Variants in TPTE observed in about 807,000 individuals in gnomAD.
TPTE encodes putative tyrosine-protein phosphatase TPTE.
In TPTE, 59 loss-of-function variants were observed where a neutral mutation model predicts 84.1. The observed-to-expected ratio is 0.70, with a 90% CI of 0.57 to 0.87. The LOEUF (loss-of-function observed/expected upper bound fraction) is 0.87. Among genes scored for constraint, TPTE ranks in the 40% least tolerant of loss-of-function variants. The pLI is 0.00. For synonymous variants in TPTE, 130 were observed against 223.5 expected, an observed-to-expected ratio of 0.58 and a Z score of 3.73; for missense variants, 382 against 659.6, an observed-to-expected ratio of 0.58 and a Z score of 4.61.
At chr21:10,587,762 C>T (rs1229320882) in intron 17 of TPTE, among the ~76,000 whole-genome samples, 1 of 152,310 alleles carries the variant, frequency 6.6e-6, no homozygotes, top group Non-Finnish European at 1.5e-5. Context: ...GTTGGCCAGG[C>T]TGCTCTCGAA....
At chr21:10,601,487 A>T (rs1211576339) in intron 21 of TPTE, among the ~76,000 whole-genome samples, 1 of 151,804 alleles carries the variant, frequency 6.6e-6, no homozygotes, top group Admixed American at 6.6e-5. Context: ...ACAGAGTGAG[A>T]CTCTGTCTCA....
intron 8 of TPTE, among the ~76,000 whole-genome samples, chr21:10,553,937 T>C (rs1363684487): frequency 6.6e-6 from 1 of 152,308 alleles, no homozygotes; most frequent in Non-Finnish European, 1.5e-5. Flanking sequence ...GTAAATAGGT[T>C]TTATTCTAAA....
In TPTE at chr21:10,567,720, T is replaced by C. The variant is rs372056580; in HGVS notation, c.497T>C (p.Ile166Thr). ...DLFNILDTAIIVILLLVDVVY... is the reference protein window; with the variant it reads ...DLFNILDTAITVILLLVDVVY... The stretch of plus-strand genomic sequence containing the variant: ...TTTAACATTTTAGATACTGCCATTA[T>C]TGTGATTCTTCTGCTGGTTGATGTC... Residue 166 changes from isoleucine (I) to threonine (T), a missense_variant, in exon 11 of 24, where the codon ATT becomes ACT. By Grantham distance (89) the Ile-to-Thr change is moderately conservative. Coordinates refer to ENST00000618007, the MANE Select transcript of TPTE (RefSeq NM_199261.4). The C allele has an allele frequency of 5.6e-6, 9 of 1,613,602 alleles. No homozygotes were observed. Among genetic ancestry groups the C allele is most frequent in the Non-Finnish European group, 5.1e-6 (6 of 1,179,660 alleles).
chr21:10,523,684 A>G (rs2145566135), intron 1 of TPTE, among the ~76,000 whole-genome samples: 1 of 152,398 alleles, frequency 6.6e-6, no homozygotes, highest in African/African-American at 2.4e-5. Flanking sequence ...CATTTTCTTA[A>G]TCCAGTCTAT....
At chr21:10,523,595 A>G (rs4485644) in intron 1 of TPTE, among the ~76,000 whole-genome samples, 729 of 151,958 alleles carry the variant, frequency 4.8e-3, no homozygotes, top group African/African-American at 0.016. Context: ...ATGATTTCCA[A>G]TTTCATCCAT....
chr21:10,530,099 G>T (rs1362513245), intron 3 of TPTE, among the ~76,000 whole-genome samples: 2 of 152,302 alleles, frequency 1.3e-5, no homozygotes, highest in African/African-American at 4.8e-5. Flanking sequence ...TATTTGGCCA[G>T]TGGGACTCCC....
At chr21:10,565,798 A>C (rs1376492008) in intron 10 of TPTE, among the ~76,000 whole-genome samples, 2 of 152,308 alleles carry the variant, frequency 1.3e-5, no homozygotes, top group Admixed American at 1.3e-4. Context: ...AAAACTGGAT[A>C]TACACATACA....
chr21:10,593,620 C>T (rs1248378574), intron 19 of TPTE, among the ~76,000 whole-genome samples: 4 of 152,424 alleles, frequency 2.6e-5, no homozygotes, highest in South Asian at 2.1e-4. Flanking sequence ...CTCAGTAACT[C>T]TGTGAGTAGG....
Position 10,526,510 on chromosome 21 carries a change from C to T in TPTE, c.-101-845C>T, listed in dbSNP as rs1457294421. On this transcript the variant is annotated intron_variant, in intron 2 of 23. Transcript: ENST00000618007. The stretch of plus-strand genomic sequence containing the variant: ...GGTCAAATAGGTTAAGAAACCTCAG[C>T]ACACTCTTAGAGAATCCCAGTTGTT... Among the ~76,000 whole-genome samples the T allele has an allele frequency of 2.0e-5, 3 of 152,428 alleles. No individual in the cohort carries two copies. The East Asian group carries it at 5.8e-4, about 29-fold the overall frequency.
chr21:10,590,493 T>C lies in TPTE; in HGVS notation c.1059T>C (p.Leu353=), dbSNP rs141919707. 219 of 1,613,582 alleles carry C rather than the reference T, an allele frequency of 1.4e-4. No individual in the cohort carries two copies. In the African/African-American group the frequency reaches 2.6e-3, roughly 19 times the overall value. ...CAGGAACTATGGTTTGTGCCTTCCT[T>C]ATTGCCTCTGAAATATGTTCAACTG... ...DRTGTMVCAF[L]IASEICSTAK... is the part of the protein sequence containing the mutation. The change falls in exon 18 of 24, where the codon CTT becomes CTC. Residue 353 remains leucine, a synonymous_variant. Coordinates refer to ENST00000618007, the MANE Select transcript of TPTE (RefSeq NM_199261.4).
chr21:10,522,574 C>T (rs112259385), intron 1 of TPTE, among the ~76,000 whole-genome samples: 5 of 152,304 alleles, frequency 3.3e-5, no homozygotes, highest in Non-Finnish European at 5.9e-5. Flanking sequence ...TAGTTTTAAT[C>T]TGCATTTCTC....
At chr21:10,600,038 C>T (rs1306109025) in intron 21 of TPTE, among the ~76,000 whole-genome samples, 1 of 152,290 alleles carries the variant, frequency 6.6e-6, no homozygotes. Context: ...CTCCTGGGCT[C>T]AAGCAGCCTG....
intron 19 of TPTE, among the ~76,000 whole-genome samples, chr21:10,594,574 T>G (rs1412521532): frequency 2.0e-5 from 3 of 152,418 alleles, no homozygotes; most frequent in Admixed American, 2.0e-4. Context: ...CCTGGTGGTT[T>G]ACAGCCCTTA....
At chr21:10,582,076 T>C (rs1308635920) in intron 17 of TPTE, among the ~76,000 whole-genome samples, 1 of 152,308 alleles carries the variant, frequency 6.6e-6, no homozygotes, top group Non-Finnish European at 1.5e-5. Flanking sequence ...TGTTTTTCTA[T>C]GTGTGTGTAT....
chr21:10,539,533 G>A (rs1196065138), intron 4 of TPTE, among the ~76,000 whole-genome samples: 1 of 152,306 alleles, frequency 6.6e-6, no homozygotes, highest in Non-Finnish European at 1.5e-5. Context: ...CCCACAAAAG[G>A]CTGTCTGTCG....
intron 4 of TPTE, among the ~76,000 whole-genome samples, chr21:10,539,897 T>A (rs1372059863): frequency 2.0e-5 from 3 of 152,310 alleles, no homozygotes; most frequent in Non-Finnish European, 4.4e-5. Flanking sequence ...TAGTCCCTGC[T>A]ACTCGGGAGG....
chr21:10,533,652 T>C (rs1411551366), intron 3 of TPTE, among the ~76,000 whole-genome samples: 2 of 152,310 alleles, frequency 1.3e-5, no homozygotes, highest in Non-Finnish European at 2.9e-5. Context: ...GCAGGAATTA[T>C]ATAGTCAGTC....
intron 8 of TPTE, among the ~76,000 whole-genome samples, chr21:10,555,877 T>C (rs2074672650): frequency 6.6e-6 from 1 of 152,430 alleles, no homozygotes; most frequent in East Asian, 1.9e-4. Flanking sequence ...ACTGGACTCG[T>C]ACCTGTGAAA....
chr21:10,523,405 T>A (rs1319333580), intron 1 of TPTE, among the ~76,000 whole-genome samples: 4 of 152,182 alleles, frequency 2.6e-5, no homozygotes, highest in African/African-American at 9.7e-5. Context: ...ACCCACAAAC[T>A]CCTCATCTAG....
Sources: gnomAD v4.1 joint callset for allele counts (sites outside exome capture counted in the v4.1 genomes callset) on GRCh38, gnomAD v4.1.1 for gene constraint, MANE v1.5 for transcripts, NCBI Gene and HGNC (gene_info 2026-07-23, HGNC 2026-07-21) for gene names.